FAM171A1: variants seen among roughly 807,000 people sequenced by gnomAD.
FAM171A1 encodes protein FAM171A1.
In FAM171A1, 23 loss-of-function variants were observed where a neutral mutation model predicts 74.9. That is an observed-to-expected ratio of 0.31 (90% CI 0.22 to 0.44). The LOEUF (loss-of-function observed/expected upper bound fraction) is 0.44, where lower values mean the gene tolerates loss of function less well. FAM171A1 is among the 20% of genes least tolerant of loss of function. The probability of loss-of-function intolerance (pLI) is 1.00; values close to 1 mark genes in which losing one functional copy is unlikely to be tolerated. For missense variants in FAM171A1, 1,162 were observed against 1,159.2 expected, an observed-to-expected ratio of 1.00 and a Z score of -0.03; for synonymous variants, 527 against 505.7, an observed-to-expected ratio of 1.04 and a Z score of -0.57.
rs76876974 is a variant in FAM171A1 at position 15,328,558 on chromosome 10, T to C, written c.97+42398A>G. ...GAGAACTGTGGGGGCAATATGCTGT[T>C]TCGGTAACTTGCTCTGCTCAGGCAA... On this transcript the variant is annotated intron_variant, in intron 1 of 7. Transcript: ENST00000378116. 8.4e-3 allele frequency among the ~76,000 whole-genome samples: 1,276 copies of C among 152,318 alleles called. 20 individuals carry two copies. The highest frequency in any genetic ancestry group is 0.029 in the African/African-American group (1,212 of 41,572).
chr10:15,263,848 CATCTATCTATCTATCT>C (rs56341083), intron 3 of FAM171A1, among the ~76,000 whole-genome samples: 22,390 of 143,774 alleles, frequency 0.16, 1,744 homozygotes, highest in African/African-American at 0.22. Flanking sequence ...ACATTTATCT[CATCTATCTATCTATCT>C]ATCTATCTAT....
At chr10:15,250,227 A>C (rs1053716503) in intron 4 of FAM171A1, among the ~76,000 whole-genome samples, 40 of 152,210 alleles carry the variant, frequency 2.6e-4, no homozygotes, top group African/African-American at 9.4e-4. Flanking sequence ...GATTTCGTGG[A>C]AAGATCGAAG....
At chr10:15,246,933 A>G (rs1225333854) in intron 5 of FAM171A1, among the ~76,000 whole-genome samples, 1 of 152,248 alleles carries the variant, frequency 6.6e-6, no homozygotes, top group Non-Finnish European at 1.5e-5. Flanking sequence ...GGCTGGTATC[A>G]TGAGTGCAAA....
intron 3 of FAM171A1, among the ~76,000 whole-genome samples, chr10:15,268,811 G>A (rs770774776): frequency 1.1e-4 from 16 of 152,220 alleles, no homozygotes; most frequent in Non-Finnish European, 2.4e-4. Context: ...GGAGGCCGAG[G>A]TGGATGCATC....
intron 1 of FAM171A1, among the ~76,000 whole-genome samples, chr10:15,315,605 G>C (rs1413666539): frequency 3.9e-5 from 6 of 152,096 alleles, no homozygotes; most frequent in South Asian, 4.1e-4. Context: ...GCAAATATTT[G>C]TTCACAAAGG....
At chr10:15,320,402 TG>T (rs1835473130) in intron 1 of FAM171A1, among the ~76,000 whole-genome samples, 1 of 152,232 alleles carries the variant, frequency 6.6e-6, no homozygotes. Flanking sequence ...TTCACATTTT[TG>T]CTATTGTGAA....
intron 1 of FAM171A1, among the ~76,000 whole-genome samples, chr10:15,290,711 G>A (rs1835092457): frequency 6.6e-6 from 1 of 152,182 alleles, no homozygotes; most frequent in South Asian, 2.1e-4. Flanking sequence ...GGTCAGGGGA[G>A]GCCTTCTTGA....
chr10:15,251,282 G>C (rs564613828), intron 4 of FAM171A1, among the ~76,000 whole-genome samples: 1 of 152,250 alleles, frequency 6.6e-6, no homozygotes, highest in African/African-American at 2.4e-5. Context: ...AGACATTGTG[G>C]GGAATTATAT....
At chr10:15,254,953 G>T (rs1379515746) in intron 3 of FAM171A1, 74 bp from the exon 4 acceptor site, 1 of 1,464,678 alleles carries the variant, frequency 6.8e-7, no homozygotes, top group Admixed American at 1.9e-5. Context: ...ACCAGGAAGT[G>T]CCTCTCTAAG....
chr10:15,342,153 C>T (rs7084347), intron 1 of FAM171A1, among the ~76,000 whole-genome samples: 34 of 152,314 alleles, frequency 2.2e-4, no homozygotes, highest in African/African-American at 7.2e-4. Flanking sequence ...GGCAAGCCAT[C>T]CTGAGAGTCG....
intron 5 of FAM171A1, among the ~76,000 whole-genome samples, chr10:15,247,278 T>TTGAG (rs776471828): frequency 1.3e-5 from 2 of 152,220 alleles, no homozygotes; most frequent in East Asian, 1.9e-4. Context: ...TATTGGTTGA[T>TTGAG]TGAGTGAGTG....
chr10:15,234,213 A>C (rs111282064), intron 5 of FAM171A1, among the ~76,000 whole-genome samples: 59 of 152,360 alleles, frequency 3.9e-4, no homozygotes, highest in African/African-American at 1.3e-3. Context: ...GTGAGTGCTA[A>C]CATAAAAGAG....
intron 1 of FAM171A1, among the ~76,000 whole-genome samples, chr10:15,344,692 T>G (rs1437362991): frequency 6.6e-6 from 1 of 152,246 alleles, no homozygotes; most frequent in African/African-American, 2.4e-5. Flanking sequence ...ATTGGTGTCC[T>G]GTATTATAAC....
chr10:15,370,381 C>T (rs1050537082), intron 1 of FAM171A1, among the ~76,000 whole-genome samples: 3 of 151,904 alleles, frequency 2.0e-5, no homozygotes, highest in African/African-American at 7.3e-5. Context: ...GAGAGAACCC[C>T]CCAAACTTTC....
At chr10:15,275,417 G>T (rs1834880604) in intron 3 of FAM171A1, among the ~76,000 whole-genome samples, 1 of 151,546 alleles carries the variant, frequency 6.6e-6, no homozygotes, top group Non-Finnish European at 1.5e-5. Context: ...CTCCCAAGTA[G>T]ATGGGATTAC....
intron 3 of FAM171A1, among the ~76,000 whole-genome samples, chr10:15,269,767 G>A (rs1834798085): frequency 6.6e-6 from 1 of 152,220 alleles, no homozygotes; most frequent in South Asian, 2.1e-4. Context: ...GGCACACAGA[G>A]TGGGACAGCC....
intron 5 of FAM171A1, among the ~76,000 whole-genome samples, chr10:15,226,832 G>A (rs1232931719): frequency 1.3e-5 from 2 of 151,484 alleles, no homozygotes; most frequent in Non-Finnish European, 2.9e-5. Context: ...CTTATAACGT[G>A]TTATCAGTGT....
At chr10:15,339,754 G>A (rs573290495) in intron 1 of FAM171A1, among the ~76,000 whole-genome samples, 9 of 152,160 alleles carry the variant, frequency 5.9e-5, no homozygotes, top group South Asian at 2.1e-4. Context: ...CCCTGTATTC[G>A]TCTGCCTTCA....
intron 1 of FAM171A1, among the ~76,000 whole-genome samples, chr10:15,348,080 C>T (rs528952237): frequency 9.9e-4 from 150 of 152,172 alleles, no homozygotes; most frequent in Non-Finnish European, 1.7e-3. Flanking sequence ...TGGGTTCAAG[C>T]GAGTCTCCTG....
Sources: gnomAD v4.1 joint callset for allele counts (sites outside exome capture counted in the v4.1 genomes callset) on GRCh38, gnomAD v4.1.1 for gene constraint, MANE v1.5 for transcripts, NCBI Gene and HGNC (gene_info 2026-07-23, HGNC 2026-07-21) for gene names.